The following NR2F2 variants were observed in gnomAD, a reference collection of about 807,000 sequenced individuals.
NR2F2 encodes the protein COUP transcription factor 2.
A neutral mutation model predicts 34.8 loss-of-function variants in NR2F2; 2 were observed. That is an observed-to-expected ratio of 0.06 (90% CI 0.02 to 0.18). The LOEUF (loss-of-function observed/expected upper bound fraction) is 0.18, where lower values mean the gene tolerates loss of function less well. NR2F2 is among the 10% of genes least tolerant of loss of function. The pLI, the probability that NR2F2 is intolerant of heterozygous loss-of-function variation, is 1.00. For missense variants in NR2F2, 300 were observed against 580.1 expected, an observed-to-expected ratio of 0.52 and a Z score of 4.96; for synonymous variants, 274 against 251.8, an observed-to-expected ratio of 1.09 and a Z score of -0.84.
chr15:96,335,588 TGA>T (rs1899300809), intron 2 of NR2F2, among the ~76,000 whole-genome samples: 1 of 152,212 alleles, frequency 6.6e-6, no homozygotes, highest in South Asian at 2.1e-4. Context: ...TTGTCATGGC[TGA>T]GAGGGGAAAG....
chr15:96,332,714 A>G, intron 1 of NR2F2, 167 bp downstream of exon 1: 1 of 1,399,314 alleles, frequency 7.1e-7, no homozygotes, highest in South Asian at 1.6e-5. Context: ...CCCAGACCCC[A>G]AATCCGCATG....
intron 1 of NR2F2, 28 bp from the exon 2 acceptor site, chr15:96,334,048 T>C (rs1467429227): frequency 1.2e-6 from 2 of 1,600,632 alleles, no homozygotes; most frequent in Non-Finnish European, 1.7e-6. Flanking sequence ...GGTCATTAAC[T>C]GTGGAGTGTC....
chr15:96,336,445 A>T (rs74329998), intron 2 of NR2F2, among the ~76,000 whole-genome samples: 3,554 of 152,132 alleles, frequency 0.023, 144 homozygotes, highest in African/African-American at 0.081. Flanking sequence ...GTGGTGGTGG[A>T]GATTTTCGAA....
Position 96,331,570 on chromosome 15 carries a change from C to T in NR2F2, c.-536C>T, listed in dbSNP as rs961617083. 6.3e-5 allele frequency: 77 copies of T among 1,222,714 alleles called. No homozygotes were observed. Among genetic ancestry groups the T allele is most frequent in the Non-Finnish European group, 7.5e-5 (74 of 984,478 alleles). 75.7% of individuals were successfully genotyped at this position (1,222,714 alleles called of 1,614,324 possible). ...TCTACCTCCTCCTTCACCACCACCT[C>T]CTCTTCCTCCTCCTCCTCCTCCTCC... On this transcript the variant is annotated 5_prime_UTR_variant, in exon 1 of 3. Transcript: ENST00000394166.
intron 1 of NR2F2, chr15:96,333,239 G>A: frequency 7.8e-6 from 5 of 639,366 alleles, no homozygotes; most frequent in Non-Finnish European, 1.0e-5. Context: ...AGCGCCGCGA[G>A]CCGTGCTTTG....
At chr15:96,333,382 T>A (rs7173047) in intron 1 of NR2F2, 249,345 of 1,001,550 alleles carry the variant, frequency 0.25, 34,882 homozygotes, top group African/African-American at 0.56. Context: ...CCTCGCCGGC[T>A]TTCCCCGGCC....
At position 96,339,322 on chromosome 15, in the gene NR2F2, T is replaced by C. The variant is rs1002748866; in HGVS notation, c.*1700T>C. 6.6e-6 allele frequency: 1 copy of C among 152,216 alleles called. No homozygotes were observed. Among genetic ancestry groups the C allele is most frequent in the Admixed American group, 6.5e-5 (1 of 15,290 alleles). 9.4% of individuals were successfully genotyped at this position (152,216 alleles called of 1,614,324 possible). ...TGAGTTTTTCCTTAAGTAGGTACGA[T>C]TTTTTAAAATATTCTGTGATTCTAC... On this transcript the variant is annotated 3_prime_UTR_variant, in exon 3 of 3. Transcript: ENST00000394166.
upstream of NR2F2, among the ~76,000 whole-genome samples, chr15:96,327,889 A>T (rs1899034428): frequency 6.6e-6 from 1 of 152,182 alleles, no homozygotes; most frequent in Non-Finnish European, 1.5e-5. Flanking sequence ...CTCTAGGCAA[A>T]TTAAAGCTTG....
In NR2F2 at chr15:96,337,824, A is replaced by T. The variant is rs1181175394; in HGVS notation, c.*202A>T. 45 of 331,330 alleles carry T rather than the reference A, an allele frequency of 1.4e-4. 1 individual carries two copies. The highest frequency in any genetic ancestry group is 1.8e-4 in the Non-Finnish European group (36 of 200,330). 20.5% of individuals were successfully genotyped at this position (331,330 alleles called of 1,614,324 possible). A position where few individuals can be genotyped will look rare whatever the true frequency, so the allele number is the denominator to read the frequency against. On this transcript the variant is annotated 3_prime_UTR_variant, in exon 3 of 3. Transcript: ENST00000394166. ...AATGAACTTTTACAGAATGCATTAA[A>T]AAAAAAAAAAAACTCCTGTGTCGGT...
In NR2F2 at chr15:96,337,549, C is replaced by T; in HGVS notation, c.1172C>T (p.Pro391Leu). 6.2e-7 allele frequency: 1 copy of T among 1,614,068 alleles called. No individual in the cohort carries two copies. Among genetic ancestry groups the T allele is most frequent in the Non-Finnish European group, 8.5e-7 (1 of 1,180,022 alleles). ...LFFVRLVGKT[P>L]IETLIRDMLL... ...TTCGTCCGTTTGGTAGGTAAAACCC[C>T]CATCGAAACCCTCATCCGGGATATG... Residue 391 changes from proline (P) to leucine (L), a missense_variant, in exon 3 of 3, where the codon CCC (proline) becomes CTC (leucine). By Grantham distance (98) the Pro-to-Leu change is moderately conservative (BLOSUM62 -3). Transcript: ENST00000394166.
rs1596432802 is a variant in NR2F2 at position 96,337,711 on chromosome 15, T to C, written c.*89T>C. The C allele has an allele frequency of 7.7e-7, 1 of 1,303,000 alleles. No individual in the cohort carries two copies. 80.7% of individuals were successfully genotyped at this position (1,303,000 alleles called of 1,614,324 possible). ...TTAATTTCCTTCTGTTAAGAAAGGA[T>C]ATAAAAGGATGTTACAAGTTTGCTA... On this transcript the variant is annotated 3_prime_UTR_variant, in exon 3 of 3. Transcript: ENST00000394166.
chr15:96,331,824 C>T lies in NR2F2; in HGVS notation c.-282C>T, dbSNP rs1899153967. On this transcript the variant is annotated 5_prime_UTR_variant, in exon 1 of 3. Transcript: ENST00000394166. ...TTCCCCTCCCCTCCCGGCGGAAAGC[C>T]CCCCGAAACCAACAAAGCTGAGCCG... The T allele has an allele frequency of 1.7e-6, 2 of 1,204,110 alleles. No individual in the cohort carries two copies. Among genetic ancestry groups the T allele is most frequent in the Non-Finnish European group, 1.0e-6 (1 of 970,366 alleles). The allele number at this position is 1,204,110 out of a possible 1,614,324, so 74.6% of individuals were successfully genotyped here.
rs540212013 is a variant in NR2F2 at position 96,333,267 on chromosome 15, G to C, written c.442+720G>C. ...GTGCTTTGCCAATGGCGCGCTCGGCGCGGGGCGCGGGCTCCGGGTTGGGGC... is the reference window on the plus strand; with the variant it reads ...GTGCTTTGCCAATGGCGCGCTCGGCCCGGGGCGCGGGCTCCGGGTTGGGGC... On this transcript the variant is annotated intron_variant, in intron 1 of 2. Transcript: ENST00000394166. 1,985 of 888,952 alleles carry C rather than the reference G, an allele frequency of 2.2e-3. 32 individuals are homozygous for C. In the African/African-American group the frequency reaches 0.034, roughly 15 times the overall value. 55.1% of individuals were successfully genotyped at this position (888,952 alleles called of 1,614,324 possible).
chr15:96,336,631 G>T (rs962590098), intron 2 of NR2F2, among the ~76,000 whole-genome samples: 1 of 151,558 alleles, frequency 6.6e-6, no homozygotes, highest in Non-Finnish European at 1.5e-5. Context: ...TAACAGGGAG[G>T]GGGGATGCTT....
chr15:96,331,546 CTACCTCCTCCTT>C lies in NR2F2; in HGVS notation c.-559_-548del. 8.1e-7 allele frequency: 1 copy of C among 1,229,410 alleles called. No individual in the cohort carries two copies. The highest frequency in any genetic ancestry group is 4.1e-5 in the South Asian group (1 of 24,360). 76.2% of individuals were successfully genotyped at this position (1,229,410 alleles called of 1,614,324 possible). A position where few individuals can be genotyped will look rare whatever the true frequency, so the allele number is the denominator to read the frequency against. ...CCGGACAGTCGCCTCTCCTCCTCCT[CTACCTCCTCCTT>C]CACCACCACCTCCTCTTCCTCCTCC... is the stretch of plus-strand genomic sequence containing the variant. On this transcript the variant is annotated 5_prime_UTR_variant, in exon 1 of 3. Transcript: ENST00000394166.
Position 96,330,809 on chromosome 15 carries a change from T to G in NR2F2, c.-1297T>G. On this transcript the variant is annotated 5_prime_UTR_variant, in exon 1 of 3. Coordinates refer to ENST00000394166, the MANE Select transcript of NR2F2 (RefSeq NM_021005.4). ...TCTCTGTTCTTTTCTCTCCGCGGTG[T>G]GTGTGTGCGTGCGCGCGTGTGTGTT... The G allele has an allele frequency of 1.9e-6, 2 of 1,048,592 alleles. No homozygotes were observed. The highest frequency in any genetic ancestry group is 1.2e-6 in the Non-Finnish European group (1 of 847,102). The allele number at this position is 1,048,592 out of a possible 1,614,324, so 65.0% of individuals were successfully genotyped here.
At position 96,334,483 on chromosome 15, in the gene NR2F2, C is replaced by G. The variant is rs1194275353; in HGVS notation, c.850C>G (p.Arg284Gly). The G allele has an allele frequency of 6.2e-7, 1 of 1,613,992 alleles. No homozygotes were observed. The highest frequency in any genetic ancestry group is 8.5e-7 in the Non-Finnish European group (1 of 1,180,018). ...GCATGCTTCGCCCATGTCCGCCGAC[C>G]GGGTGGTCGCCTTTATGGACCACAT... ...GLHASPMSADRVVAFMDHIRI... is the reference protein window; with the variant it reads ...GLHASPMSADGVVAFMDHIRI... The change falls in exon 2 of 3, where the codon CGG becomes GGG. Residue 284 changes from arginine to glycine, a missense_variant. This residue lies in a region of NR2F2 where 164 missense variants were observed against 365.3 expected (regional missense o/e 0.45). Transcript: ENST00000394166.
Position 96,331,148 on chromosome 15 carries a change from C to T in NR2F2, c.-958C>T. 40 of 1,049,936 alleles carry T rather than the reference C, an allele frequency of 3.8e-5. No homozygotes were observed. Among genetic ancestry groups the T allele is most frequent in the Non-Finnish European group, 4.6e-5 (40 of 866,886 alleles). 65.0% of individuals were successfully genotyped at this position (1,049,936 alleles called of 1,614,324 possible). A position where few individuals can be genotyped will look rare whatever the true frequency, so the allele number is the denominator to read the frequency against. On this transcript the variant is annotated 5_prime_UTR_variant, in exon 1 of 3. Coordinates refer to ENST00000394166, the MANE Select transcript of NR2F2 (RefSeq NM_021005.4). ...TAGACGCAGCGGCTCCGGGCCCGAC[C>T]CGGCGGCTTCGGCGGCGGCTCCGGC...
intron 2 of NR2F2, among the ~76,000 whole-genome samples, chr15:96,335,769 G>A (rs967963092): frequency 2.6e-5 from 4 of 152,190 alleles, no homozygotes; most frequent in Admixed American, 1.3e-4. Context: ...AAAGAAGTCT[G>A]GGGAACTAAG....
Sources: allele counts gnomAD v4.1 joint callset (sites outside exome capture counted in the v4.1 genomes callset), GRCh38; gene constraint gnomAD v4.1.1; regional missense constraint gnomAD v4.1.1; transcripts MANE v1.5; gene names NCBI Gene and HGNC (gene_info 2026-07-23, HGNC 2026-07-21).